ZNF596: variants seen among roughly 807,000 people sequenced by gnomAD.
ZNF596 encodes the protein zinc finger protein 596.
A neutral mutation model predicts 48.3 loss-of-function variants in ZNF596; 45 were observed. That is an observed-to-expected ratio of 0.93 (90% CI 0.73 to 1.19). The LOEUF (loss-of-function observed/expected upper bound fraction) is 1.19, where lower values mean the gene tolerates loss of function less well. Ranked by LOEUF, ZNF596 falls within the 50% of genes most tolerant of loss-of-function variation. The probability of loss-of-function intolerance (pLI) is 0.00; values close to 1 mark genes in which losing one functional copy is unlikely to be tolerated. For synonymous variants in ZNF596, 270 were observed against 202.0 expected (o/e 1.34, Z -2.85); for missense variants, 848 against 599.7 (o/e 1.41, Z -4.32).
intron 1 of ZNF596, among the ~76,000 whole-genome samples, chr8:239,163 T>C (rs970064660): frequency 6.6e-6 from 1 of 152,156 alleles, no homozygotes; most frequent in Non-Finnish European, 1.5e-5. Context: ...CTGTCTTTGC[T>C]AAAAATTGGA....
At position 246,428 on chromosome 8, in the gene ZNF596, CTG is replaced by C. The variant is rs1372212448; in HGVS notation, c.*68_*69del. 25 of 1,504,586 alleles carry C rather than the reference CTG, an allele frequency of 1.7e-5. No homozygotes were observed. The highest frequency in any genetic ancestry group is 2.1e-5 in the Non-Finnish European group (24 of 1,130,122). 93.2% of individuals were successfully genotyped at this position (1,504,586 alleles called of 1,614,324 possible). A position where few individuals can be genotyped will look rare whatever the true frequency, so the allele number is the denominator to read the frequency against. Reference sequence around the variant, plus strand: ...CAAACATACTACAGGAATATTATGTCTGTAATCAGTGTGGAAAAGCCTTTATT... The same window carrying C: ...CAAACATACTACAGGAATATTATGTCTAATCAGTGTGGAAAAGCCTTTATT... On this transcript the variant is annotated 3_prime_UTR_variant, in exon 6 of 6. Transcript: ENST00000398612.
rs73521331 is a variant in ZNF596, at chr8:245,990, T to C, written c.1143T>C (p.His381=). 4,535 of 1,614,076 alleles carry C rather than the reference T, an allele frequency of 2.8e-3. 93 individuals are homozygous for C. The African/African-American group carries it at 0.055, about 20-fold the overall frequency. Residue 381 remains histidine, a synonymous_variant, in exon 6 of 6, where the codon CAT becomes CAC. Coordinates refer to ENST00000398612, the MANE Select transcript of ZNF596 (RefSeq NM_001042416.3). ...CTGAATCTTCTGTGCTTAAACGACA[T>C]GAGAGAATTCACACTGGAGAGAAAC... ...AFTESSVLKR[H]ERIHTGEKPY... is the part of the protein sequence containing the mutation.
chr8:243,235 AC>A, intron 3 of ZNF596: 1 of 390,912 alleles, frequency 2.6e-6, no homozygotes. Flanking sequence ...CATCTTTCTG[AC>A]CACAGTTTCA....
chr8:243,969 C>A, intron 4 of ZNF596, 164 bp downstream of exon 4: 1 of 483,092 alleles, frequency 2.1e-6, no homozygotes, highest in Non-Finnish European at 3.7e-6. Context: ...CTCACTGCAA[C>A]CTCTGCTTCC....
intron 1 of ZNF596, chr8:233,416 G>T (rs1373205215): frequency 7.0e-6 from 2 of 284,268 alleles, no homozygotes; most frequent in Non-Finnish European, 1.4e-5. Context: ...ATTGTATATT[G>T]AAAATACTTT....
At chr8:239,063 A>C (rs1329935661) in intron 1 of ZNF596, among the ~76,000 whole-genome samples, 1 of 152,186 alleles carries the variant, frequency 6.6e-6, no homozygotes, top group African/African-American at 2.4e-5. Context: ...AAGCAGAAGA[A>C]AGAACCAGTG....
At chr8:243,646 G>C (rs1796941547) in intron 3 of ZNF596, 76 bp from the exon 4 acceptor site, 1 of 1,445,100 alleles carries the variant, frequency 6.9e-7, no homozygotes, top group African/African-American at 1.4e-5. Flanking sequence ...TTCCCAGTAG[G>C]CTGCCCTGTA....
chr8:246,448 C>G lies in ZNF596; in HGVS notation c.*86C>G. On this transcript the variant is annotated 3_prime_UTR_variant, in exon 6 of 6. Transcript: ENST00000398612. ...TATGTCTGTAATCAGTGTGGAAAAG[C>G]CTTTATTTATATTTACCACTTTGCT... The G allele has an allele frequency of 6.8e-7, 1 of 1,474,146 alleles. No individual in the cohort carries two copies. Among genetic ancestry groups the G allele is most frequent in the Non-Finnish European group, 9.0e-7 (1 of 1,108,738 alleles). 91.3% of individuals were successfully genotyped at this position (1,474,146 alleles called of 1,614,324 possible).
At chr8:235,229 T>G (rs1796573574) in intron 1 of ZNF596, among the ~76,000 whole-genome samples, 2 of 152,352 alleles carry the variant, frequency 1.3e-5, no homozygotes, top group African/African-American at 4.8e-5. Context: ...ACAGAACATC[T>G]GTTCCAAGGA....
At chr8:233,877 G>T (rs978293662) in intron 1 of ZNF596, among the ~76,000 whole-genome samples, 2 of 152,144 alleles carry the variant, frequency 1.3e-5, no homozygotes, top group Non-Finnish European at 2.9e-5. Flanking sequence ...TCTTTAGGGG[G>T]CAGGGATGTT....
At chr8:244,851 A>C in intron 5 of ZNF596, 150 bp downstream of exon 5, 1 of 719,128 alleles carries the variant, frequency 1.4e-6, no homozygotes, top group Non-Finnish European at 2.3e-6. Context: ...ACTTCAAATC[A>C]AAACCATAAT....
rs188238096 is a variant in ZNF596, at chr8:245,934, C to T, written c.1087C>T (p.His363Tyr). Residue 363 changes from histidine to tyrosine, a missense_variant, in exon 6 of 6, where the codon CAT (histidine) becomes TAT (tyrosine). By Grantham distance (83) the His-to-Tyr change is moderately conservative (BLOSUM62 2). Coordinates refer to ENST00000398612, the MANE Select transcript of ZNF596 (RefSeq NM_001042416.3). ...HERSHNGEKP[H>Y]GCHLCGKAFT... The stretch of plus-strand genomic sequence containing the variant: ...GCGAAGTCACAATGGAGAGAAACCA[C>T]ATGGATGTCATCTATGTGGGAAAGC... 1.9e-6 allele frequency: 3 copies of T among 1,613,458 alleles called. No individual in the cohort carries two copies. Among genetic ancestry groups the T allele is most frequent in the South Asian group, 1.1e-5 (1 of 91,026 alleles).
intron 3 of ZNF596, chr8:243,238 A>G (rs1796925894): frequency 5.2e-6 from 2 of 383,520 alleles, no homozygotes; most frequent in Non-Finnish European, 9.4e-6. Context: ...CTTTCTGACC[A>G]CAGTTTCACA....
At chr8:233,333 T>G (rs531712922) in intron 1 of ZNF596, 1 of 327,934 alleles carries the variant, frequency 3.0e-6, no homozygotes, top group Non-Finnish European at 6.3e-6. Context: ...GTTTTCTGAT[T>G]TCCAAATTAG....
chr8:233,836 G>T (rs1413037468), intron 1 of ZNF596: 2 of 152,222 alleles, frequency 1.3e-5, no homozygotes, highest in African/African-American at 4.8e-5. Context: ...ACAAATCGCT[G>T]TTACTTAAGA....
chr8:236,234 G>A (rs941686648), intron 1 of ZNF596, among the ~76,000 whole-genome samples: 5 of 152,110 alleles, frequency 3.3e-5, no homozygotes, highest in Non-Finnish European at 4.4e-5. Context: ...AAGGACTAAT[G>A]TTGCTAAACA....
rs1347397943 is a variant in ZNF596 at position 246,335 on chromosome 8, TCA to T, written c.1492_1493del (p.Thr498Ter). On this transcript the variant is annotated frameshift_variant, in exon 6 of 6. Transcript: ENST00000398612. LOFTEE classifies it high-confidence loss of function. ...FFNLRQHERTHTKKAMNM is the reference protein window; with the variant it reads ...FFNLRQHERTXTKKAMNM ...TTAACCTTAGACAACATGAGAGAAC[TCA>T]CACTAAAAAAGCAATGAATATGTAA... The T allele has an allele frequency of 6.3e-7, 1 of 1,591,766 alleles. No individual in the cohort carries two copies. The highest frequency in any genetic ancestry group is 1.2e-5 in the South Asian group (1 of 86,874).
At chr8:239,075 A>G (rs1796744162) in intron 1 of ZNF596, among the ~76,000 whole-genome samples, 2 of 152,170 alleles carry the variant, frequency 1.3e-5, no homozygotes, top group Admixed American at 6.5e-5. Context: ...GAACCAGTGA[A>G]CTCAAAGACA....
chr8:236,280 G>C (rs1014110736), intron 1 of ZNF596, among the ~76,000 whole-genome samples: 23 of 151,990 alleles, frequency 1.5e-4, no homozygotes, highest in Admixed American at 1.5e-3. Flanking sequence ...TAATAGTTTT[G>C]CCCACTTTTT....
Sources: allele counts gnomAD v4.1 joint callset (sites outside exome capture counted in the v4.1 genomes callset), GRCh38; gene constraint gnomAD v4.1.1; transcripts MANE v1.5; gene names NCBI Gene and HGNC (gene_info 2026-07-23, HGNC 2026-07-21).